Variants in FBXL7 observed in about 807,000 individuals in gnomAD.
FBXL7 encodes F-box and leucine rich repeat protein 7.
Under a neutral mutation model 38.3 loss-of-function variants are expected in FBXL7, and 12 were observed. The observed-to-expected ratio is 0.31, with a 90% CI of 0.20 to 0.51. The LOEUF is 0.51. Ranked by LOEUF, FBXL7 falls within the 20% of genes least tolerant of loss-of-function variation. FBXL7 has a pLI of 0.98. For missense variants in FBXL7, 567 were observed against 676.4 expected (o/e 0.84, Z 1.79); for synonymous variants, 297 against 300.9 (o/e 0.99, Z 0.13).
intron 2 of FBXL7, among the ~76,000 whole-genome samples, chr5:15,719,558 T>G (rs1011004016): frequency 1.3e-5 from 2 of 149,066 alleles, no homozygotes; most frequent in African/African-American, 2.4e-5. Flanking sequence ...TAGTTTTCTT[T>G]ATTCCATCAT....
intron 2 of FBXL7, among the ~76,000 whole-genome samples, chr5:15,812,984 T>A (rs1206313800): frequency 6.6e-6 from 1 of 152,204 alleles, no homozygotes; most frequent in Non-Finnish European, 1.5e-5. Flanking sequence ...TGATTTTGTA[T>A]CCTGAGACTT....
In FBXL7 at chr5:15,906,436, A is replaced by ATTT. The variant is rs70938032; in HGVS notation, c.128-21437_128-21435dup. On this transcript the variant is annotated intron_variant, in intron 2 of 3. Coordinates refer to ENST00000504595, the MANE Select transcript of FBXL7 (RefSeq NM_012304.5). ...TATTTTACATAGTTGACCTAGAAGG[A>ATTT]TTTTTTTTTTTTTTTTTTTATGTAA... Among the ~76,000 whole-genome samples the ATTT allele has an allele frequency of 5.2e-4, 65 of 125,904 alleles. 1 individual carries two copies. Among genetic ancestry groups the ATTT allele is most frequent in the African/African-American group, 1.8e-3 (60 of 33,002 alleles). 82.6% of individuals were successfully genotyped at this position (125,904 alleles called of 152,430 possible). A position where few individuals can be genotyped will look rare whatever the true frequency, so the allele number is the denominator to read the frequency against.
intron 1 of FBXL7, among the ~76,000 whole-genome samples, chr5:15,505,849 G>C (rs1425380867): frequency 6.6e-6 from 1 of 152,080 alleles, no homozygotes; most frequent in African/African-American, 2.4e-5. Context: ...ACATCCGCTG[G>C]GGATGAATTC....
chr5:15,571,416 A>G (rs770437086), intron 1 of FBXL7, among the ~76,000 whole-genome samples: 17 of 152,168 alleles, frequency 1.1e-4, no homozygotes, highest in Non-Finnish European at 2.1e-4. Context: ...GAGATGTAGG[A>G]TGTGAAAAGA....
At chr5:15,762,966 G>A in intron 2 of FBXL7, among the ~76,000 whole-genome samples, 1 of 151,982 alleles carries the variant, frequency 6.6e-6, no homozygotes. Flanking sequence ...TTCTTAAATG[G>A]CCCCAAATTG....
chr5:15,808,794 T>A lies in FBXL7; in HGVS notation c.128-119096T>A, dbSNP rs574261244. On this transcript the variant is annotated intron_variant, in intron 2 of 3. Coordinates refer to ENST00000504595, the MANE Select transcript of FBXL7 (RefSeq NM_012304.5). Reference sequence around the variant, plus strand: ...CCTGACACACAGCAGGGACTCGGGGTGTGCAATCTAAATATAGCAGGACTC... The same window carrying A: ...CCTGACACACAGCAGGGACTCGGGGAGTGCAATCTAAATATAGCAGGACTC... Among the ~76,000 whole-genome samples, 22 of 152,252 alleles carry A rather than the reference T, an allele frequency of 1.4e-4. No homozygotes were observed. The South Asian group carries it at 4.6e-3, about 32-fold the overall frequency.
chr5:15,915,970 T>C (rs1435531809), intron 2 of FBXL7, among the ~76,000 whole-genome samples: 1 of 152,102 alleles, frequency 6.6e-6, no homozygotes, highest in Non-Finnish European at 1.5e-5. Flanking sequence ...CAGGGAGGAT[T>C]CAAGATGATT....
At chr5:15,564,860 T>A (rs1184462184) in intron 1 of FBXL7, among the ~76,000 whole-genome samples, 3 of 152,154 alleles carry the variant, frequency 2.0e-5, no homozygotes, top group Admixed American at 2.0e-4. Context: ...GCGCTAATGA[T>A]GCACAGCACT....
chr5:15,919,900 A>G (rs571671985), intron 2 of FBXL7, among the ~76,000 whole-genome samples: 6 of 152,264 alleles, frequency 3.9e-5, no homozygotes, highest in Admixed American at 3.9e-4. Flanking sequence ...GAAATTAGAG[A>G]TGTCAGAACA....
At chr5:15,796,422 C>A (rs1310251546) in intron 2 of FBXL7, among the ~76,000 whole-genome samples, 4 of 152,024 alleles carry the variant, frequency 2.6e-5, no homozygotes, top group Non-Finnish European at 1.5e-5. Flanking sequence ...TGAATAGTTG[C>A]AACAGAGACC....
intron 2 of FBXL7, among the ~76,000 whole-genome samples, chr5:15,831,233 A>G (rs546031925): frequency 4.1e-4 from 62 of 152,302 alleles, no homozygotes; most frequent in Non-Finnish European, 6.9e-4. Flanking sequence ...TGTCTCAGGT[A>G]TCTGAGAAGA....
chr5:15,699,118 AT>A (rs1453773586), intron 2 of FBXL7, among the ~76,000 whole-genome samples: 3 of 152,198 alleles, frequency 2.0e-5, no homozygotes, highest in African/African-American at 7.2e-5. Context: ...TGAGAAGAGA[AT>A]CAGCATTCAG....
intron 1 of FBXL7, among the ~76,000 whole-genome samples, chr5:15,576,046 A>G (rs914046111): frequency 6.6e-6 from 1 of 150,840 alleles, no homozygotes; most frequent in Non-Finnish European, 1.5e-5. Context: ...TAATGTCAAA[A>G]GTAATGGTTG....
chr5:15,827,916 A>G (rs1454563486), intron 2 of FBXL7, among the ~76,000 whole-genome samples: 1 of 152,208 alleles, frequency 6.6e-6, no homozygotes, highest in African/African-American at 2.4e-5. Context: ...ACAATTATAC[A>G]ACAACACTCC....
At chr5:15,668,811 G>T (rs908580207) in intron 2 of FBXL7, among the ~76,000 whole-genome samples, 18 of 152,170 alleles carry the variant, frequency 1.2e-4, no homozygotes, top group Non-Finnish European at 1.9e-4. Flanking sequence ...CCTAGGTCAG[G>T]AGGTATCCTT....
chr5:15,762,376 T>A lies in FBXL7; in HGVS notation c.127+146304T>A, dbSNP rs1736471546. Among the ~76,000 whole-genome samples the A allele has an allele frequency of 3.7e-5, 3 of 81,780 alleles. No homozygotes were observed. The South Asian group carries it at 1.3e-3, about 36-fold the overall frequency. The allele number at this position is 81,780 out of a possible 152,430, so 53.7% of individuals were successfully genotyped here. A position where few individuals can be genotyped will look rare whatever the true frequency, so the allele number is the denominator to read the frequency against. On this transcript the variant is annotated intron_variant, in intron 2 of 3. Coordinates refer to ENST00000504595, the MANE Select transcript of FBXL7 (RefSeq NM_012304.5). ...CAGATTCTGTTGGTTAGAAGCACCC[T>A]TGTAGGGTGGGGGAATGCCTGGGAG...
intron 1 of FBXL7, among the ~76,000 whole-genome samples, chr5:15,611,639 T>G (rs1740239061): frequency 6.6e-6 from 1 of 152,154 alleles, no homozygotes; most frequent in Admixed American, 6.5e-5. Context: ...GATTTGCTAA[T>G]TTAGTGTTTA....
intron 2 of FBXL7, among the ~76,000 whole-genome samples, chr5:15,675,891 T>C (rs960361492): frequency 1.3e-5 from 2 of 152,154 alleles, no homozygotes; most frequent in Admixed American, 1.3e-4. Flanking sequence ...GTGATAGAAA[T>C]TGGCCGCTAC....
chr5:15,936,415 GT>G lies in FBXL7; in HGVS notation c.740-33del. ...CCAGGCGTGGCTCCCCTGCTGGCAG[GT>G]TGCTCTGAGCCTGTGTTCTGTCTCT... On this transcript the variant is annotated intron_variant, in intron 3 of 3. Coordinates refer to ENST00000504595, the MANE Select transcript of FBXL7 (RefSeq NM_012304.5). The surrounding 1 kb of genome is among the most constrained non-coding windows in gnomAD (Gnocchi z 6.0). The G allele has an allele frequency of 6.3e-7, 1 of 1,590,070 alleles. No homozygotes were observed. Among genetic ancestry groups the G allele is most frequent in the Non-Finnish European group, 8.6e-7 (1 of 1,167,144 alleles).
Sources: gnomAD v4.1 joint callset for allele counts (sites outside exome capture counted in the v4.1 genomes callset) on GRCh38, gnomAD v4.1.1 for gene constraint, Gnocchi (gnomAD v3.1) non-coding constraint, MANE v1.5 for transcripts, NCBI Gene and HGNC (gene_info 2026-07-23, HGNC 2026-07-21) for gene names.